Variants in CTNNA1 observed in about 807,000 individuals in gnomAD.
The protein encoded by CTNNA1 is catenin alpha-1.
In CTNNA1, 37 loss-of-function variants were observed where a neutral mutation model predicts 98.4. The observed-to-expected ratio is 0.38, with a 90% CI of 0.29 to 0.49. The LOEUF is 0.49. Among genes scored for constraint, CTNNA1 ranks in the 20% least tolerant of loss-of-function variants. The pLI is 0.95. For missense variants in CTNNA1, 761 were observed against 1,147.2 expected (o/e 0.66, Z 4.86); for synonymous variants, 404 against 413.2 (o/e 0.98, Z 0.27).
At position 138,825,482 on chromosome 5, in the gene CTNNA1, G is replaced by GTTTTTTTTTTTTTTTTTTT. The variant is rs756586452; in HGVS notation, c.858+699_858+700insTTTTTTTTTTTTTTTTTTT. Among the ~76,000 whole-genome samples the GTTTTTTTTTTTTTTTTTTT allele has an allele frequency of 7.0e-3, 519 of 74,076 alleles. 145 individuals carry two copies. The highest frequency in any genetic ancestry group is 0.024 in the African/African-American group (409 of 17,272). 48.6% of individuals were successfully genotyped at this position (74,076 alleles called of 152,430 possible). ...CTTCCAGTAGATGGCAGCAGTATAA[G>GTTTTTTTTTTTTTTTTTTT]TTTTTTTTTTTTTTTTAGGGCTTTA... On this transcript the variant is annotated intron_variant, in intron 6 of 17. Coordinates refer to ENST00000302763, the MANE Select transcript of CTNNA1 (RefSeq NM_001903.5).
At chr5:138,828,572 T>C (rs1248837251) in intron 7 of CTNNA1, among the ~76,000 whole-genome samples, 1 of 152,202 alleles carries the variant, frequency 6.6e-6, no homozygotes, top group African/African-American at 2.4e-5. Flanking sequence ...ATGAAATCAT[T>C]TTAAGGGGAA....
rs148289936 is a variant in CTNNA1, at chr5:138,933,900, A to G, written c.2532A>G (p.Gln844=). ...KASYVASTKY[Q]KSQGMASLNL... is the part of the protein sequence containing the mutation. ...CCTACGTCGCCTCTACCAAATACCA[A>G]AAGTCACAGGGTATGGCTTCCCTCA... is the stretch of plus-strand genomic sequence containing the variant. Residue 844 remains glutamine (Q), a synonymous_variant, in exon 18 of 18, where the codon CAA becomes CAG. Transcript: ENST00000302763. The G allele has an allele frequency of 7.7e-5, 125 of 1,614,162 alleles. No homozygotes were observed. The African/African-American group carries it at 1.1e-3, about 14-fold the overall frequency.
At chr5:138,819,851 CG>C (rs1255744634) in intron 5 of CTNNA1, among the ~76,000 whole-genome samples, 3 of 4,856 alleles carry the variant, frequency 6.2e-4, no homozygotes, top group Non-Finnish European at 1.2e-3. Context: ...ATTGGATTGG[CG>C]GGGGGCGGGG....
intron 7 of CTNNA1, among the ~76,000 whole-genome samples, chr5:138,837,302 A>G (rs1761868525): frequency 1.3e-5 from 2 of 152,184 alleles, no homozygotes; most frequent in South Asian, 4.1e-4. Context: ...GTTCGTTATC[A>G]TGTGGTCTAG....
intron 7 of CTNNA1, among the ~76,000 whole-genome samples, chr5:138,858,390 G>A (rs906587317): frequency 2.6e-5 from 4 of 152,152 alleles, no homozygotes; most frequent in Admixed American, 6.5e-5. Flanking sequence ...GCTTCCCAAA[G>A]TGCTAGGATT....
chr5:138,810,685 A>G (rs1275964120), intron 4 of CTNNA1, among the ~76,000 whole-genome samples: 2 of 152,142 alleles, frequency 1.3e-5, no homozygotes, highest in African/African-American at 2.4e-5. Flanking sequence ...TCCCATGTCT[A>G]CTTCTTTCTA....
At chr5:138,773,505 C>G (rs544180531) in intron 1 of CTNNA1, among the ~76,000 whole-genome samples, 1 of 152,138 alleles carries the variant, frequency 6.6e-6, no homozygotes, top group Non-Finnish European at 1.5e-5. Flanking sequence ...AAGGAAAAAA[C>G]AAAAACAAGC....
At position 138,934,923 on chromosome 5, in the gene CTNNA1, A is replaced by G. The variant is rs1766221029; in HGVS notation, c.*834A>G. ...TGTAGTGATTGATTGATTGATTACT[A>G]TTAACTACAAGGTATAATTTACTAT... On this transcript the variant is annotated 3_prime_UTR_variant, in exon 18 of 18. Coordinates refer to ENST00000302763, the MANE Select transcript of CTNNA1 (RefSeq NM_001903.5). 2.0e-5 allele frequency: 3 copies of G among 152,574 alleles called. No homozygotes were observed. Among genetic ancestry groups the G allele is most frequent in the African/African-American group, 7.2e-5 (3 of 41,452 alleles). 9.5% of individuals were successfully genotyped at this position (152,574 alleles called of 1,614,324 possible).
At chr5:138,823,391 G>T (rs993359580) in intron 5 of CTNNA1, among the ~76,000 whole-genome samples, 6 of 152,200 alleles carry the variant, frequency 3.9e-5, no homozygotes, top group African/African-American at 1.4e-4. Context: ...AAAAAAAGTA[G>T]TTTAAGACCG....
chr5:138,820,569 G>A (rs1365058984), intron 5 of CTNNA1, among the ~76,000 whole-genome samples: 1 of 152,042 alleles, frequency 6.6e-6, no homozygotes, highest in Non-Finnish European at 1.5e-5. Context: ...CCTGGTTCCC[G>A]GGTGATCCTG....
intron 7 of CTNNA1, among the ~76,000 whole-genome samples, chr5:138,881,761 TTTG>T (rs35977291): frequency 4.6e-5 from 7 of 151,846 alleles, no homozygotes; most frequent in Admixed American, 2.0e-4. Context: ...TAATTCATTG[TTTG>T]TTGTTGTTGT....
rs905369559 is a variant in CTNNA1, at chr5:138,850,445, T to C, written c.1062+22727T>C. On this transcript the variant is annotated intron_variant, in intron 7 of 17. Transcript: ENST00000302763. Reference sequence around the variant, plus strand: ...TGGCCTTAGTCTAGGTGCTCTGTTATTGACTGTTCTGTATAATGTTGAGGA... The same window carrying C: ...TGGCCTTAGTCTAGGTGCTCTGTTACTGACTGTTCTGTATAATGTTGAGGA... 5.3e-5 allele frequency among the ~76,000 whole-genome samples: 8 copies of C among 152,346 alleles called. No homozygotes were observed. In the East Asian group the frequency reaches 7.7e-4, roughly 15 times the overall value.
intron 7 of CTNNA1, among the ~76,000 whole-genome samples, chr5:138,832,390 C>G (rs1282223601): frequency 6.6e-6 from 1 of 152,152 alleles, no homozygotes; most frequent in African/African-American, 2.4e-5. Flanking sequence ...GAGATGACTT[C>G]CAGGTTTCCT....
intron 3 of CTNNA1, among the ~76,000 whole-genome samples, chr5:138,785,638 G>A (rs1281296102): frequency 2.0e-5 from 3 of 151,984 alleles, no homozygotes; most frequent in Non-Finnish European, 4.4e-5. Flanking sequence ...TTGGCTCACC[G>A]CAACCTCCAC....
At chr5:138,772,328 C>T (rs1400813524) in intron 1 of CTNNA1, among the ~76,000 whole-genome samples, 4 of 152,186 alleles carry the variant, frequency 2.6e-5, no homozygotes, top group Non-Finnish European at 5.9e-5. Flanking sequence ...CATGATCCCT[C>T]CTGGAAAAAC....
intron 5 of CTNNA1, among the ~76,000 whole-genome samples, chr5:138,821,299 C>T (rs1760017690): frequency 6.6e-6 from 1 of 152,206 alleles, no homozygotes; most frequent in Non-Finnish European, 1.5e-5. Flanking sequence ...CTCTGGCTTC[C>T]CAACATGCTA....
intron 7 of CTNNA1, among the ~76,000 whole-genome samples, chr5:138,877,737 G>A (rs1412587133): frequency 1.3e-5 from 2 of 152,132 alleles, no homozygotes; most frequent in East Asian, 1.9e-4. Flanking sequence ...GTGAGCCACC[G>A]CGCCCGGCCA....
intron 7 of CTNNA1, among the ~76,000 whole-genome samples, chr5:138,858,269 G>T (rs1763910659): frequency 6.6e-6 from 1 of 151,842 alleles, no homozygotes; most frequent in Non-Finnish European, 1.5e-5. Context: ...TAGCAGCACG[G>T]GTATGCACCA....
At chr5:138,817,074 A>G (rs1176722162) in intron 5 of CTNNA1, among the ~76,000 whole-genome samples, 3 of 152,164 alleles carry the variant, frequency 2.0e-5, no homozygotes, top group Admixed American at 6.5e-5. Flanking sequence ...TATATTCTAG[A>G]TATTAATCCC....
Sources: gnomAD v4.1 joint callset for allele counts (sites outside exome capture counted in the v4.1 genomes callset) on GRCh38, gnomAD v4.1.1 for gene constraint, MANE v1.5 for transcripts, NCBI Gene and HGNC (gene_info 2026-07-23, HGNC 2026-07-21) for gene names.